The following FBN3 variants were observed in gnomAD, a reference collection of about 807,000 sequenced individuals.
FBN3 encodes fibrillin-3.
A neutral mutation model predicts 330.1 loss-of-function variants in FBN3; 234 were observed. The observed-to-expected ratio is 0.71, with a 90% confidence interval of 0.64 to 0.79. The LOEUF (loss-of-function observed/expected upper bound fraction) is 0.79. Ranked by LOEUF, FBN3 falls within the 30% of genes least tolerant of loss-of-function variation. The pLI is 0.00. For missense variants in FBN3, 3,606 were observed against 3,886.9 expected, an observed-to-expected ratio of 0.93 and a Z score of 1.92; for synonymous variants, 1,458 against 1,517.3, an observed-to-expected ratio of 0.96 and a Z score of 0.91.
rs905036267 is a variant in FBN3 at position 8,094,389 on chromosome 19, A to G, written c.5905+57T>C. On this transcript the variant is annotated intron_variant, in intron 47 of 63. Transcript: ENST00000600128. Reference sequence around the variant, plus strand: ...CCTAGCTGGTATTCCCATTTTATGGATGGAGAAAGAGAGGCACTCCCTGGC... The same window carrying G: ...CCTAGCTGGTATTCCCATTTTATGGGTGGAGAAAGAGAGGCACTCCCTGGC... The G allele has an allele frequency of 4.5e-6, 7 of 1,557,266 alleles. No homozygotes were observed. In the Admixed American group the frequency reaches 1.3e-4, roughly 29 times the overall value.
Position 8,087,917 on chromosome 19 carries a change from A to G in FBN3, c.6527T>C (p.Leu2176Pro), listed in dbSNP as rs1436965059. Residue 2176 changes from leucine to proline, a missense_variant, in exon 53 of 64, where the codon CTC becomes CCC. Coordinates refer to ENST00000600128, the MANE Select transcript of FBN3 (RefSeq NM_032447.5). ...DIDECSLNPL[L>P]CAFRCHNTEG... ...GGTATTGTGGCAGCGGAAGGCACAGAGCAGCGGGTTCAGGGAGCATTCGTC... is the reference window on the plus strand; with the variant it reads ...GGTATTGTGGCAGCGGAAGGCACAGGGCAGCGGGTTCAGGGAGCATTCGTC... The G allele has an allele frequency of 3.7e-6, 6 of 1,614,088 alleles. No individual in the cohort carries two copies. The highest frequency in any genetic ancestry group is 5.1e-6 in the Non-Finnish European group (6 of 1,180,002).
In FBN3 at chr19:8,111,712, A is replaced by G. The variant is rs141016150; in HGVS notation, c.4020T>C (p.Asn1340=). The change falls in exon 32 of 64, where the codon AAT becomes AAC. Residue 1340 remains asparagine (N), a synonymous_variant. Coordinates refer to ENST00000600128, the MANE Select transcript of FBN3 (RefSeq NM_032447.5). ...AGGTGCAGCGGTAGGAGCCAGGGACATTGAGACAGTCACCTCTTGGGCTGC... is the reference window on the plus strand; with the variant it reads ...AGGTGCAGCGGTAGGAGCCAGGGACGTTGAGACAGTCACCTCTTGGGCTGC... The part of the protein sequence containing the change: ...HRCSPRGDCL[N]VPGSYRCTCR... 666 of 1,583,444 alleles carry G rather than the reference A, an allele frequency of 4.2e-4. 3 individuals are homozygous for G. In the African/African-American group the frequency reaches 7.8e-3, roughly 19 times the overall value.
chr19:8,135,871 G>A, intron 13 of FBN3, 90 bp downstream of exon 13: 4 of 1,454,830 alleles, frequency 2.7e-6, no homozygotes, highest in Non-Finnish European at 3.7e-6. Flanking sequence ...AGGGAGGTGG[G>A]TTTGGGGGCA....
intron 8 of FBN3, among the ~76,000 whole-genome samples, chr19:8,141,378 A>AT (rs1445782247): frequency 9.9e-5 from 15 of 150,870 alleles, no homozygotes; most frequent in Admixed American, 2.0e-4. Context: ...AAAAAAAAAA[A>AT]AAAAAAAGAG....
rs79972119 is a variant in FBN3, at chr19:8,085,576, A to G, written c.6881-7T>C. Reference sequence around the variant, plus strand: ...CAGGGCCCCTGCCGGATGTCTGCAGAGAACAATGGGAAAGACAACGGTCAC... The same window carrying G: ...CAGGGCCCCTGCCGGATGTCTGCAGGGAACAATGGGAAAGACAACGGTCAC... On this transcript the variant is annotated splice_region_variant and splice_polypyrimidine_tract_variant and intron_variant, in intron 55 of 63. Coordinates refer to ENST00000600128, the MANE Select transcript of FBN3 (RefSeq NM_032447.5). The G allele has an allele frequency of 5.8e-4, 894 of 1,540,698 alleles. 3 individuals are homozygous for G. In the African/African-American group the frequency reaches 0.012, roughly 20 times the overall value.
At chr19:8,100,824 T>C (rs1268930188) in intron 41 of FBN3, 77 bp downstream of exon 41, 24 of 1,122,086 alleles carry the variant, frequency 2.1e-5, no homozygotes, top group Non-Finnish European at 3.0e-5. Context: ...AAAAGAGCTG[T>C]TGAGGAGGGG....
At position 8,131,236 on chromosome 19, in the gene FBN3, T is replaced by C; in HGVS notation, c.2043A>G (p.Arg681=). 1.2e-6 allele frequency: 2 copies of C among 1,608,654 alleles called. No homozygotes were observed. Among genetic ancestry groups the C allele is most frequent in the South Asian group, 2.2e-5 (2 of 89,200 alleles). The change falls in exon 16 of 64, where the codon CGA becomes CGG. Residue 681 remains arginine, a splice_region_variant and synonymous_variant. Transcript: ENST00000600128. This position sits in a 1 kb window ranked among gnomAD's most constrained non-coding sequence, Gnocchi z 4.5. The stretch of plus-strand genomic sequence containing the variant: ...TTGGAGGGGCTGGGCTCCACTTACC[T>C]CGACCATCCGTGGTAATGCCAAGCC... ...SSGLGITTDG[R]DINECALDPE...
Position 8,086,254 on chromosome 19 carries a change from G to A in FBN3, c.6826C>T (p.Arg2276Trp), listed in dbSNP as rs377054534. The A allele has an allele frequency of 3.0e-5, 49 of 1,611,570 alleles. No individual in the cohort carries two copies. The highest frequency in any genetic ancestry group is 2.7e-4 in the African/African-American group (20 of 74,806). Residue 2276 changes from arginine to tryptophan, a missense_variant, in exon 55 of 64, where the codon CGG (arginine) becomes TGG (tryptophan). Arg to Trp is a moderately radical substitution (Grantham distance 101). Coordinates refer to ENST00000600128, the MANE Select transcript of FBN3 (RefSeq NM_032447.5). ...TGGAATCCCTCATCACAGTCGCACC[G>A]GAAGCTGCCCGCGGTGTTGACACAG... is the stretch of plus-strand genomic sequence containing the variant. Reference protein sequence around the residue: ...GRCVNTAGSFRCDCDEGFQPS... With the variant: ...GRCVNTAGSFWCDCDEGFQPS...
chr19:8,124,368 C>G (rs370508496), intron 22 of FBN3, among the ~76,000 whole-genome samples: 4 of 151,910 alleles, frequency 2.6e-5, no homozygotes, highest in African/African-American at 4.8e-5. Context: ...CTCAGCCTCC[C>G]GAGGAGCTGG....
Position 8,141,932 on chromosome 19 carries a change from C to G in FBN3, c.739+8G>C. 6.2e-7 allele frequency: 1 copy of G among 1,614,142 alleles called. No homozygotes were observed. Among genetic ancestry groups the G allele is most frequent in the Non-Finnish European group, 8.5e-7 (1 of 1,179,968 alleles). ...GGCCTCCCACTCAGCCCTGACCCCA[C>G]TATTCACCTTGGCAGGCCCCCGTGT... On this transcript the variant is annotated splice_region_variant and intron_variant, in intron 7 of 63. Coordinates refer to ENST00000600128, the MANE Select transcript of FBN3 (RefSeq NM_032447.5).
intron 41 of FBN3, 39 bp from the exon 42 acceptor site, chr19:8,097,453 CT>C (rs748757600): frequency 6.4e-7 from 1 of 1,564,000 alleles, no homozygotes; most frequent in South Asian, 1.2e-5. Context: ...GCCCAGCCCC[CT>C]GGGACTTCCA....
rs763997711 is a variant in FBN3, at chr19:8,073,082, A to G, written c.7918T>C (p.Tyr2640His). The change falls in exon 62 of 64, where the codon TAC becomes CAC. Residue 2640 changes from tyrosine (Y) to histidine (H), a missense_variant. By Grantham distance (83) the Tyr-to-His change is moderately conservative. Transcript: ENST00000600128. ...TCTCACCCTTGCCCAGCCCGGAAGTAGCCTTGAGGACAGCCGCACAGGAAG... is the reference window on the plus strand; with the variant it reads ...TCTCACCCTTGCCCAGCCCGGAAGTGGCCTTGAGGACAGCCGCACAGGAAG... ...GGFLCGCPQG[Y>H]FRAGQGHCVS... 1 of 1,610,166 alleles carries G rather than the reference A, an allele frequency of 6.2e-7. No homozygotes were observed. The highest frequency in any genetic ancestry group is 1.7e-5 in the Admixed American group (1 of 59,650).
chr19:8,126,607 T>C lies in FBN3; in HGVS notation c.2417-2A>G. ...GCCAGCAGGTGCCCTTGGTGCTGTCTGGGGAGAAGAGGCGGGTCACCTGTC... is the reference window on the plus strand; with the variant it reads ...GCCAGCAGGTGCCCTTGGTGCTGTCCGGGGAGAAGAGGCGGGTCACCTGTC... On this transcript the variant is annotated splice_acceptor_variant, in intron 19 of 63. Coordinates refer to ENST00000600128, the MANE Select transcript of FBN3 (RefSeq NM_032447.5). LOFTEE classifies it high-confidence loss of function. 1.2e-6 allele frequency: 2 copies of C among 1,608,776 alleles called. No individual in the cohort carries two copies. The highest frequency in any genetic ancestry group is 1.7e-6 in the Non-Finnish European group (2 of 1,179,502).
At chr19:8,135,434 C>T (rs576075720) in intron 13 of FBN3, among the ~76,000 whole-genome samples, 155 of 151,942 alleles carry the variant, frequency 1.0e-3, no homozygotes, top group African/African-American at 3.3e-3. Flanking sequence ...TCTGCCACCA[C>T]GCCCAGCTAA....
rs148482018 is a variant in FBN3 at position 8,094,562 on chromosome 19, G to C, written c.5789C>G (p.Thr1930Ser). ...LTADGKNCVD[T>S]NECLSLAGTC... ...TCCTGCAAGGCTGAGGCACTCATTG[G>C]TGTCTGTGAAAAGGAGGAAGAAAGG... is the stretch of plus-strand genomic sequence containing the variant. The change falls in exon 47 of 64, where the codon ACC (threonine) becomes AGC (serine). Residue 1930 changes from threonine to serine, a missense_variant. Physicochemically the swap from Thr to Ser is moderately conservative, Grantham distance 58 (BLOSUM62 1). Transcript: ENST00000600128. The C allele has an allele frequency of 9.1e-5, 147 of 1,613,230 alleles. No individual in the cohort carries two copies. In the African/African-American group the frequency reaches 1.7e-3, roughly 18 times the overall value.
In FBN3 at chr19:8,131,459, C is replaced by A; in HGVS notation, c.1990+95G>T. The stretch of plus-strand genomic sequence containing the variant: ...TCAGCCTCTTTTTGGGAAGAGCCCC[C>A]ACTCCATGGCAGCCATGACCCCCCA... On this transcript the variant is annotated intron_variant, in intron 15 of 63. Coordinates refer to ENST00000600128, the MANE Select transcript of FBN3 (RefSeq NM_032447.5). The surrounding 1 kb of genome is among the most constrained non-coding windows in gnomAD (Gnocchi z 4.5). The A allele has an allele frequency of 6.6e-7, 1 of 1,505,578 alleles. No homozygotes were observed. The highest frequency in any genetic ancestry group is 1.3e-5 in the South Asian group (1 of 79,330). 93.3% of individuals were successfully genotyped at this position (1,505,578 alleles called of 1,614,324 possible).
Position 8,106,205 on chromosome 19 carries a change from C to A in FBN3, c.4716G>T (p.Gly1572=). The A allele has an allele frequency of 6.2e-7, 1 of 1,614,180 alleles. No homozygotes were observed. Among genetic ancestry groups the A allele is most frequent in the East Asian group, 2.2e-5 (1 of 44,886 alleles). The change falls in exon 38 of 64, where the codon GGG becomes GGT. Residue 1572 remains glycine, a synonymous_variant. Coordinates refer to ENST00000600128, the MANE Select transcript of FBN3 (RefSeq NM_032447.5). ...EDIDECQELP[G]LCQGGDCVNT... ...TGACGCAGTCACCCCCCTGACACAG[C>A]CCTGGCAGCTCTTGGCACTCGTCGA...
rs1224813263 is a variant in FBN3 at position 8,109,818 on chromosome 19, C to T, written c.4334-65G>A. 7.0e-7 allele frequency: 1 copy of T among 1,435,036 alleles called. No individual in the cohort carries two copies. Among genetic ancestry groups the T allele is most frequent in the African/African-American group, 1.4e-5 (1 of 69,134 alleles). 88.9% of individuals were successfully genotyped at this position (1,435,036 alleles called of 1,614,324 possible). A position where few individuals can be genotyped will look rare whatever the true frequency, so the allele number is the denominator to read the frequency against. On this transcript the variant is annotated intron_variant, in intron 34 of 63. Transcript: ENST00000600128. This position sits in a 1 kb window ranked among gnomAD's most constrained non-coding sequence, Gnocchi z 5.2. ...CCTCGGCCCCCCTCCCTCCTAGCTT[C>T]ATCCTGGGAAGCTACAGCCCTCGCT...
Position 8,115,586 on chromosome 19 carries a change from T to C in FBN3, c.3767A>G (p.Asn1256Ser). Residue 1256 changes from asparagine (N) to serine (S), a missense_variant, in exon 30 of 64, where the codon AAC (asparagine) becomes AGC (serine). Physicochemically the swap from Asn to Ser is conservative, Grantham distance 46. Transcript: ENST00000600128. The part of the protein sequence containing the change: ...PHICLHGDCE[N>S]TKGSFVCHCQ... ...GTGGCAGACAAAGGAACCCTTCGTGTTCTCGCAGTCCCCATGGAGGCAGAT... is the reference window on the plus strand; with the variant it reads ...GTGGCAGACAAAGGAACCCTTCGTGCTCTCGCAGTCCCCATGGAGGCAGAT... The C allele has an allele frequency of 6.2e-7, 1 of 1,614,004 alleles. No homozygotes were observed. The highest frequency in any genetic ancestry group is 8.5e-7 in the Non-Finnish European group (1 of 1,179,984).
Sources: allele counts gnomAD v4.1 joint callset (sites outside exome capture counted in the v4.1 genomes callset), GRCh38; gene constraint gnomAD v4.1.1; non-coding constraint Gnocchi (gnomAD v3.1); transcripts MANE v1.5; gene names NCBI Gene and HGNC (gene_info 2026-07-23, HGNC 2026-07-21).